Variants in PASK observed in about 807,000 individuals in gnomAD.
The protein encoded by PASK is PAS domain-containing serine/threonine-protein kinase.
PASK carries 110 observed loss-of-function variants against 121.0 expected under a neutral mutation model. The observed-to-expected ratio is 0.91, with a 90% CI of 0.78 to 1.06. PASK has a LOEUF of 1.06. PASK is among the 50% of genes least tolerant of loss of function. PASK has a pLI of 0.00. For missense variants in PASK, 1,643 were observed against 1,702.3 expected (o/e 0.97, Z 0.61); for synonymous variants, 686 against 717.8 (o/e 0.96, Z 0.71).
intron 12 of PASK, among the ~76,000 whole-genome samples, chr2:241,119,905 C>T (rs1387467793): frequency 1.3e-5 from 2 of 152,158 alleles, no homozygotes; most frequent in Admixed American, 1.3e-4. Context: ...TTGTCCTTCC[C>T]CACGGGTGGG....
rs1290585195 is a variant in PASK at position 241,137,114 on chromosome 2, A to G, written c.1027T>C (p.Cys343Arg). The change falls in exon 7 of 18, where the codon TGC becomes CGC. Residue 343 changes from cysteine (C) to arginine (R), a missense_variant. Cys to Arg is a radical substitution (Grantham distance 180, BLOSUM62 -3). Coordinates refer to ENST00000234040, the MANE Select transcript of PASK (RefSeq NM_015148.4). ...AGGGTGATGAGGCCACTGATGGTGC[A>G]GAACACCCAGACAGATGCCCGGTAG... ...SGYRASVWVF[C>R]TISGLITLLP... The G allele has an allele frequency of 5.0e-6, 8 of 1,613,796 alleles. No homozygotes were observed. Among genetic ancestry groups the G allele is most frequent in the Non-Finnish European group, 6.8e-6 (8 of 1,179,908 alleles).
Position 241,138,828 on chromosome 2 carries a change from A to G in PASK, c.601-34T>C, listed in dbSNP as rs1209435121. ...ACAGACAGGTTCACACCTGCATGCC[A>G]TGAACCCAAAAGACCAGTATGGGTG... On this transcript the variant is annotated intron_variant, in intron 4 of 17. Coordinates refer to ENST00000234040, the MANE Select transcript of PASK (RefSeq NM_015148.4). 3 of 1,612,218 alleles carry G rather than the reference A, an allele frequency of 1.9e-6. No individual in the cohort carries two copies. In the East Asian group the frequency reaches 6.7e-5, roughly 36 times the overall value.
Position 241,137,875 on chromosome 2 carries a change from T to G in PASK, c.876+78A>C, listed in dbSNP as rs149993924. The G allele has an allele frequency of 5.3e-4, 812 of 1,533,214 alleles. 1 individual carries two copies. Among genetic ancestry groups the G allele is most frequent in the Admixed American group, 2.1e-3 (127 of 59,934 alleles). The allele number at this position is 1,533,214 out of a possible 1,614,324, so 95.0% of individuals were successfully genotyped here. On this transcript the variant is annotated intron_variant, in intron 6 of 17. Coordinates refer to ENST00000234040, the MANE Select transcript of PASK (RefSeq NM_015148.4). Reference sequence around the variant, plus strand: ...AGGCCACCCTTGCCTTCAGAAACCCTTGGTCTGCGTCTCCAGTTATGGATT... The same window carrying G: ...AGGCCACCCTTGCCTTCAGAAACCCGTGGTCTGCGTCTCCAGTTATGGATT...
At chr2:241,139,152 C>A (rs1025518677) in intron 4 of PASK, among the ~76,000 whole-genome samples, 2 of 152,148 alleles carry the variant, frequency 1.3e-5, no homozygotes, top group African/African-American at 4.8e-5. Context: ...TTTTCTGATA[C>A]AATTGGTCCT....
Position 241,126,692 on chromosome 2 carries a change from C to T in PASK, c.2223G>A (p.Trp741Ter). 1 of 1,614,234 alleles carries T rather than the reference C, an allele frequency of 6.2e-7. No homozygotes were observed. The highest frequency in any genetic ancestry group is 8.5e-7 in the Non-Finnish European group (1 of 1,180,050). The change falls in exon 10 of 18, where the codon TGG becomes TGA. Residue 741 changes from tryptophan (W) to a stop codon, truncating the protein, a stop_gained. Coordinates refer to ENST00000234040, the MANE Select transcript of PASK (RefSeq NM_015148.4). LOFTEE classifies it high-confidence loss of function. ...CACTGAAAAAGAGTTCCTTGAGGTT[C>T]CAGGAAAACGAATTCACATCAACCT... is the stretch of plus-strand genomic sequence containing the variant. ...AQEVDVNSFS[W>*]NLKELFFSDQ...
intron 1 of PASK, among the ~76,000 whole-genome samples, chr2:241,148,566 G>T (rs1368732487): frequency 6.6e-6 from 1 of 152,188 alleles, no homozygotes; most frequent in Non-Finnish European, 1.5e-5. Flanking sequence ...GCCTGGAAGG[G>T]CCAAGCATGA....
chr2:241,127,590 G>C (rs530930530), intron 9 of PASK, 139 bp from the exon 10 acceptor site: 1 of 728,324 alleles, frequency 1.4e-6, no homozygotes, highest in East Asian at 2.7e-5. Flanking sequence ...CAAATTTTGT[G>C]ACCAAGTTAA....
Position 241,131,542 on chromosome 2 carries a change from G to T in PASK, c.1463+1332C>A, listed in dbSNP as rs571014370. Among the ~76,000 whole-genome samples, 40 of 152,238 alleles carry T rather than the reference G, an allele frequency of 2.6e-4. No individual in the cohort carries two copies. In the South Asian group the frequency reaches 7.5e-3, roughly 28 times the overall value. ...TCAAGACTAGAAAACACAACTATGTGGATAAATATCACAGACACAGCAATA... is the reference window on the plus strand; with the variant it reads ...TCAAGACTAGAAAACACAACTATGTTGATAAATATCACAGACACAGCAATA... On this transcript the variant is annotated intron_variant, in intron 9 of 17. Coordinates refer to ENST00000234040, the MANE Select transcript of PASK (RefSeq NM_015148.4).
chr2:241,135,740 C>T, intron 8 of PASK, 131 bp downstream of exon 8: 1 of 787,654 alleles, frequency 1.3e-6, no homozygotes, highest in Non-Finnish European at 2.1e-6. Context: ...TCACCCCCTA[C>T]TCCGCCCCCC....
Position 241,112,196 on chromosome 2 carries a change from G to A in PASK, c.3533+44C>T, listed in dbSNP as rs765970997. The A allele has an allele frequency of 6.8e-7, 1 of 1,478,316 alleles. No individual in the cohort carries two copies. Among genetic ancestry groups the A allele is most frequent in the Non-Finnish European group, 9.5e-7 (1 of 1,056,540 alleles). The allele number at this position is 1,478,316 out of a possible 1,614,324, so 91.6% of individuals were successfully genotyped here. On this transcript the variant is annotated intron_variant, in intron 15 of 17. Transcript: ENST00000234040. This position sits in a 1 kb window ranked among gnomAD's most constrained non-coding sequence, Gnocchi z 5.2. ...AAAATCAAGCCACCCTCAGGGTCCT[G>A]ACAGAGGACACGAGGACGGGCCGCA...
chr2:241,121,943 T>C (rs1305057717), intron 12 of PASK, among the ~76,000 whole-genome samples: 12 of 152,220 alleles, frequency 7.9e-5, no homozygotes, highest in Admixed American at 5.9e-4. Flanking sequence ...ACTGACATTA[T>C]ACAAAGTATG....
chr2:241,149,226 C>A (rs571140703), intron 1 of PASK, among the ~76,000 whole-genome samples, 188 bp downstream of exon 1: 120 of 152,232 alleles, frequency 7.9e-4, no homozygotes, highest in African/African-American at 2.7e-3. Context: ...GATTTGGGCA[C>A]GGAGAGGACG....
chr2:241,112,543 T>G lies in PASK; in HGVS notation c.3334-104A>C. The G allele has an allele frequency of 1.4e-6, 1 of 722,682 alleles. No homozygotes were observed. The highest frequency in any genetic ancestry group is 2.3e-6 in the Non-Finnish European group (1 of 438,044). 44.8% of individuals were successfully genotyped at this position (722,682 alleles called of 1,614,324 possible). ...AAAAAACACAAAGAAAAAATAAACC[T>G]CCGACTCATAATGAACTGGGGACAG... On this transcript the variant is annotated intron_variant, in intron 14 of 17. Transcript: ENST00000234040. The surrounding 1 kb of genome is among the most constrained non-coding windows in gnomAD (Gnocchi z 5.2).
intron 8 of PASK, 108 bp downstream of exon 8, chr2:241,135,763 C>T: frequency 9.4e-7 from 1 of 1,061,158 alleles, no homozygotes; most frequent in Non-Finnish European, 1.4e-6. Context: ...CACCCCTGAG[C>T]CTCTGGAGGG....
At position 241,122,805 on chromosome 2, in the gene PASK, C is replaced by T; in HGVS notation, c.2999G>A (p.Ser1000Asn). 1.9e-6 allele frequency: 3 copies of T among 1,614,208 alleles called. No homozygotes were observed. The South Asian group carries it at 3.3e-5, about 18-fold the overall frequency. ...CCCACTGCCCAGCGGGCTCATGGTA[C>T]TGTACTTTTGGGAGTACTCGCCCTC... Reference protein sequence around the residue: ...ACEGEYSQKYSTMSPLGSGAF... With the variant: ...ACEGEYSQKYNTMSPLGSGAF... The change falls in exon 12 of 18, where the codon AGT becomes AAT. Residue 1000 changes from serine to asparagine, a missense_variant. By Grantham distance (46) the Ser-to-Asn change is conservative. Coordinates refer to ENST00000234040, the MANE Select transcript of PASK (RefSeq NM_015148.4).
intron 12 of PASK, 45 bp downstream of exon 12, chr2:241,122,687 T>C: frequency 6.3e-7 from 1 of 1,578,524 alleles, no homozygotes; most frequent in Non-Finnish European, 8.7e-7. Flanking sequence ...TCGAGAGCCA[T>C]GTGAAGTGGT....
At chr2:241,128,973 G>T (rs28542852) in intron 9 of PASK, among the ~76,000 whole-genome samples, 55,791 of 151,588 alleles carry the variant, frequency 0.37, 11,131 homozygotes, top group East Asian at 0.59. Context: ...AACTGAGGGG[G>T]AGGCTGAGGG....
rs754245151 is a variant in PASK at position 241,126,440 on chromosome 2, C to CG, written c.2474dup (p.Leu826AlafsTer2). 2 of 1,614,252 alleles carry CG rather than the reference C, an allele frequency of 1.2e-6. No individual in the cohort carries two copies. Among genetic ancestry groups the CG allele is most frequent in the Admixed American group, 3.3e-5 (2 of 60,036 alleles). On this transcript the variant is annotated frameshift_variant, in exon 10 of 18. Coordinates refer to ENST00000234040, the MANE Select transcript of PASK (RefSeq NM_015148.4). LOFTEE classifies it high-confidence loss of function. ...CAGAGGACACCAAACAAACCTCAAG[C>CG]GGTTCTGTTGGATCATGTCCCACAC...
rs148038387 is a variant in PASK, at chr2:241,106,634, C to T, written c.3904G>A (p.Val1302Ile). The T allele has an allele frequency of 7.1e-4, 1,144 of 1,614,190 alleles. 2 individuals are homozygous for T. The highest frequency in any genetic ancestry group is 9.0e-4 in the Non-Finnish European group (1,066 of 1,180,026). ...AQAQELCGGP[V>I]PGEAPNGQGC... Reference sequence around the variant, plus strand: ...TGGCCATTAGGAGCCTCGCCTGGAACGGGGCCCCCACAAAGCTCCTGAGCC... The same window carrying T: ...TGGCCATTAGGAGCCTCGCCTGGAATGGGGCCCCCACAAAGCTCCTGAGCC... Residue 1302 changes from valine to isoleucine, a missense_variant, in exon 18 of 18, where the codon GTT (valine) becomes ATT (isoleucine). Transcript: ENST00000234040.
Sources: allele counts gnomAD v4.1 joint callset (sites outside exome capture counted in the v4.1 genomes callset), GRCh38; gene constraint gnomAD v4.1.1; non-coding constraint Gnocchi (gnomAD v3.1); transcripts MANE v1.5; gene names NCBI Gene and HGNC (gene_info 2026-07-23, HGNC 2026-07-21).